Variants in SPIB observed in about 807,000 individuals in gnomAD.
SPIB encodes the protein transcription factor Spi-B.
SPIB carries 7 observed loss-of-function variants against 31.9 expected under a neutral mutation model. The ratio of observed to expected loss-of-function variants is 0.22; its 90% confidence interval spans 0.12 to 0.41. SPIB has a LOEUF of 0.41. SPIB is among the 10% of genes least tolerant of loss of function. The pLI is 1.00. For synonymous variants in SPIB, 176 were observed against 158.9 expected (o/e 1.11, Z -0.81); for missense variants, 327 against 360.2 (o/e 0.91, Z 0.75).
At position 50,422,813 on chromosome 19, in the gene SPIB, C is replaced by T. The variant is rs1191410342; in HGVS notation, c.125-10C>T. The T allele has an allele frequency of 2.0e-6, 3 of 1,529,888 alleles. No individual in the cohort carries two copies. Among genetic ancestry groups the T allele is most frequent in the Non-Finnish European group, 2.7e-6 (3 of 1,128,494 alleles). 94.8% of individuals were successfully genotyped at this position (1,529,888 alleles called of 1,614,324 possible). On this transcript the variant is annotated splice_polypyrimidine_tract_variant and intron_variant, in intron 3 of 5. Transcript: ENST00000595883. ...ACATCCCAGCTTCTGACTCAGTGCC[C>T]TTCCCCCAGACTCCCTGTGGGACTG... is the stretch of plus-strand genomic sequence containing the variant.
intron 2 of SPIB, among the ~76,000 whole-genome samples, chr19:50,420,215 G>C (rs980712825): frequency 6.6e-6 from 1 of 152,258 alleles, no homozygotes; most frequent in East Asian, 1.9e-4. Context: ...TTCAGACAAT[G>C]TATTTTCATG....
chr19:50,424,048 C>A (rs1429283477), intron 5 of SPIB, among the ~76,000 whole-genome samples: 1 of 152,104 alleles, frequency 6.6e-6, no homozygotes, highest in Non-Finnish European at 1.5e-5. Flanking sequence ...AGAGTGAGCA[C>A]TTCAATAAGT....
chr19:50,428,394 T>TC lies in SPIB; in HGVS notation c.*63dup. ...GGGGGACCTCACGTCCCAGCCAGGA[T>TC]CCCCCTGGAAGAAAAAGGGCGTCCC... On this transcript the variant is annotated 3_prime_UTR_variant, in exon 6 of 6. Coordinates refer to ENST00000595883, the MANE Select transcript of SPIB (RefSeq NM_003121.5). This position sits in a 1 kb window ranked among gnomAD's most constrained non-coding sequence, Gnocchi z 6.5. 6.8e-7 allele frequency: 1 copy of TC among 1,469,320 alleles called. No individual in the cohort carries two copies. Among genetic ancestry groups the TC allele is most frequent in the East Asian group, 2.5e-5 (1 of 40,034 alleles). 91.0% of individuals were successfully genotyped at this position (1,469,320 alleles called of 1,614,324 possible). A position where few individuals can be genotyped will look rare whatever the true frequency, so the allele number is the denominator to read the frequency against.
chr19:50,427,096 C>T (rs1403204449), intron 5 of SPIB, among the ~76,000 whole-genome samples: 1 of 152,022 alleles, frequency 6.6e-6, no homozygotes, highest in African/African-American at 2.4e-5. Flanking sequence ...CTCCTCTGCA[C>T]TCCATCCTGG....
rs1166794716 is a variant in SPIB, at chr19:50,430,423, A to C, written c.*2087A>C. 1 of 152,138 alleles carries C rather than the reference A, an allele frequency of 6.6e-6. No individual in the cohort carries two copies. The highest frequency in any genetic ancestry group is 6.6e-5 in the Admixed American group (1 of 15,240). 9.4% of individuals were successfully genotyped at this position (152,138 alleles called of 1,614,324 possible). A position where few individuals can be genotyped will look rare whatever the true frequency, so the allele number is the denominator to read the frequency against. ...CCTTAGTTTGTCCCTTCTGTGAAAAAGGGAGAGAAGGAGGAGGAAGATCTC... is the reference window on the plus strand; with the variant it reads ...CCTTAGTTTGTCCCTTCTGTGAAAACGGGAGAGAAGGAGGAGGAAGATCTC... On this transcript the variant is annotated 3_prime_UTR_variant, in exon 6 of 6. Transcript: ENST00000595883.
chr19:50,428,274 G>A lies in SPIB; in HGVS notation c.727G>A (p.Val243Ile). The change falls in exon 6 of 6, where the codon GTC becomes ATC. Residue 243 changes from valine to isoleucine, a missense_variant. Coordinates refer to ENST00000595883, the MANE Select transcript of SPIB (RefSeq NM_003121.5). This position sits in a 1 kb window ranked among gnomAD's most constrained non-coding sequence, Gnocchi z 6.5. ...NYAKTGEIRK[V>I]KRKLTYQFDS... Reference sequence around the variant, plus strand: ...CGCCAAGACCGGCGAGATCCGCAAGGTCAAGCGCAAGCTCACCTACCAGTT... The same window carrying A: ...CGCCAAGACCGGCGAGATCCGCAAGATCAAGCGCAAGCTCACCTACCAGTT... The A allele has an allele frequency of 6.4e-7, 1 of 1,552,048 alleles. No individual in the cohort carries two copies.
intron 5 of SPIB, 86 bp from the exon 6 acceptor site, chr19:50,427,952 G>A (rs978527980): frequency 2.9e-6 from 4 of 1,394,044 alleles, no homozygotes; most frequent in Non-Finnish European, 3.8e-6. Context: ...GATGGAGGCC[G>A]GGGTGGAAGT....
chr19:50,422,283 C>T (rs780077398), intron 2 of SPIB, among the ~76,000 whole-genome samples, 190 bp from the exon 3 acceptor site: 3 of 152,168 alleles, frequency 2.0e-5, no homozygotes, highest in Non-Finnish European at 4.4e-5. Flanking sequence ...TGTGTCTCTA[C>T]TCTCTGTATC....
At chr19:50,427,912 C>A (rs2039588503) in intron 5 of SPIB, 126 bp from the exon 6 acceptor site, 5 of 1,055,108 alleles carry the variant, frequency 4.7e-6, no homozygotes, top group Non-Finnish European at 6.4e-6. Context: ...GTAACAGCCA[C>A]TTCCCTCACC....
chr19:50,427,752 G>A (rs1324025463), intron 5 of SPIB, among the ~76,000 whole-genome samples: 1 of 152,182 alleles, frequency 6.6e-6, no homozygotes, highest in East Asian at 1.9e-4. Context: ...GGAATATTAC[G>A]TGCTGGCCGC....
chr19:50,422,564 G>C lies in SPIB; in HGVS notation c.124+19G>C. 1.2e-6 allele frequency: 2 copies of C among 1,612,350 alleles called. No individual in the cohort carries two copies. Among genetic ancestry groups the C allele is most frequent in the Non-Finnish European group, 1.7e-6 (2 of 1,178,896 alleles). On this transcript the variant is annotated intron_variant, in intron 3 of 5. Transcript: ENST00000595883. ...GCTCCTGGTGAGTGACCCCAGCCCT[G>C]TGCCCTTCCTGCCTTGGGGCCCATT...
rs541038047 is a variant in SPIB, at chr19:50,425,272, T to C, written c.490+1517T>C. On this transcript the variant is annotated intron_variant, in intron 5 of 5. Transcript: ENST00000595883. ...CGCCCGTCTCGGCCTCACAAAGTGC[T>C]GGGATTACAGGCGTGAGCCACTGTG... 4.6e-5 allele frequency among the ~76,000 whole-genome samples: 7 copies of C among 152,244 alleles called. No individual in the cohort carries two copies. The East Asian group carries it at 1.2e-3, about 25-fold the overall frequency.
Position 50,418,968 on chromosome 19 carries a change from C to T in SPIB, c.6C>T (p.Leu2=), listed in dbSNP as rs762655908. 2.4e-5 allele frequency: 38 copies of T among 1,554,226 alleles called. No individual in the cohort carries two copies. Among genetic ancestry groups the T allele is most frequent in the African/African-American group, 1.1e-4 (8 of 73,340 alleles). The change falls in exon 1 of 6, where the codon CTC becomes CTT. Residue 2 remains leucine (L), a synonymous_variant. Coordinates refer to ENST00000595883, the MANE Select transcript of SPIB (RefSeq NM_003121.5). This position sits in a 1 kb window ranked among gnomAD's most constrained non-coding sequence, Gnocchi z 6.0. ...ACAGCCCGCCCGGCACCACCATGCT[C>T]GCCCTGGAGGCTGCACAGTAAGTGA... is the stretch of plus-strand genomic sequence containing the variant. M[L]ALEAAQLDGP...
chr19:50,420,118 C>G (rs1425716257), intron 2 of SPIB, 145 bp downstream of exon 2: 6 of 644,346 alleles, frequency 9.3e-6, no homozygotes, highest in Admixed American at 4.3e-5. Flanking sequence ...CCTGCTACCC[C>G]GCATCCGTAT....
At position 50,430,833 on chromosome 19, in the gene SPIB, A is replaced by G. The variant is rs2039632647; in HGVS notation, c.*2497A>G. ...GGAGGAGGAGGAGGAAGGAATGCCA[A>G]TGACCTAGAGACACGAGAAGTCCAT... On this transcript the variant is annotated 3_prime_UTR_variant, in exon 6 of 6. Transcript: ENST00000595883. 1 of 152,316 alleles carries G rather than the reference A, an allele frequency of 6.6e-6. No individual in the cohort carries two copies. Among genetic ancestry groups the G allele is most frequent in the Non-Finnish European group, 1.5e-5 (1 of 68,134 alleles). The allele number at this position is 152,316 out of a possible 1,614,324, so 9.4% of individuals were successfully genotyped here.
intron 1 of SPIB, 98 bp downstream of exon 1, chr19:50,419,083 C>A: frequency 3.4e-6 from 5 of 1,449,972 alleles, no homozygotes; most frequent in Non-Finnish European, 4.7e-6. Context: ...CTCCTCACGG[C>A]CGGTGGGTGG....
In SPIB at chr19:50,418,950, G is replaced by GC. The variant is rs1376100409; in HGVS notation, c.-10dup. The GC allele has an allele frequency of 1.9e-6, 3 of 1,553,270 alleles. No individual in the cohort carries two copies. The African/African-American group carries it at 4.1e-5, about 21-fold the overall frequency. Reference sequence around the variant, plus strand: ...GGCTGCAGCGGGCGGCAAACAGCCCGCCCGGCACCACCATGCTCGCCCTGG... The same window carrying GC: ...GGCTGCAGCGGGCGGCAAACAGCCCGCCCCGGCACCACCATGCTCGCCCTGG... On this transcript the variant is annotated 5_prime_UTR_variant, in exon 1 of 6. Transcript: ENST00000595883. This position sits in a 1 kb window ranked among gnomAD's most constrained non-coding sequence, Gnocchi z 6.0.
intron 1 of SPIB, 41 bp downstream of exon 1, chr19:50,419,026 TGCACTGCCCCTCTGTGGGGCCTCACCC>T: frequency 6.5e-7 from 1 of 1,549,620 alleles, no homozygotes; most frequent in South Asian, 1.2e-5. Flanking sequence ...GGTCCCCACC[TGCACTGCCCCTCTGTGGGGCCTCACCC>T]ATGGGCAGTG....
chr19:50,425,014 A>G (rs2039547885), intron 5 of SPIB, among the ~76,000 whole-genome samples: 1 of 151,628 alleles, frequency 6.6e-6, no homozygotes, highest in African/African-American at 2.4e-5. Context: ...TAATTAATTA[A>G]TTTATTTTTT....
Sources: gnomAD v4.1 joint callset for allele counts (sites outside exome capture counted in the v4.1 genomes callset) on GRCh38, gnomAD v4.1.1 for gene constraint, Gnocchi (gnomAD v3.1) non-coding constraint, MANE v1.5 for transcripts, NCBI Gene and HGNC (gene_info 2026-07-23, HGNC 2026-07-21) for gene names.